Variants in COL4A4 observed in about 807,000 individuals in gnomAD.
COL4A4 encodes collagen alpha-4(IV) chain.
COL4A4 carries 105 observed loss-of-function variants against 192.9 expected under a neutral mutation model. The observed-to-expected ratio is 0.54, with a 90% CI of 0.46 to 0.64. COL4A4 has a LOEUF of 0.64. Among genes scored for constraint, COL4A4 ranks in the 30% least tolerant of loss-of-function variants. The pLI is 0.00. For missense variants in COL4A4, 1,967 were observed against 2,169.3 expected (o/e 0.91, Z 1.85); for synonymous variants, 762 against 769.9 (o/e 0.99, Z 0.17).
At chr2:227,038,613 G>C (rs1013844056) in intron 37 of COL4A4, among the ~76,000 whole-genome samples, 1 of 152,110 alleles carries the variant, frequency 6.6e-6, no homozygotes, top group African/African-American at 2.4e-5. Context: ...GAAAGTCAAT[G>C]GTAGCTGGAA....
intron 26 of COL4A4, among the ~76,000 whole-genome samples, chr2:227,060,799 C>G (rs1576221438): frequency 1.3e-5 from 2 of 150,762 alleles, no homozygotes; most frequent in South Asian, 4.2e-4. Context: ...GCAGTCTCGG[C>G]TCACTGCAAG....
intron 25 of COL4A4, among the ~76,000 whole-genome samples, chr2:227,067,832 T>C (rs1417383600): frequency 6.7e-6 from 1 of 149,002 alleles, no homozygotes; most frequent in Non-Finnish European, 1.5e-5. Context: ...GCAAACACAT[T>C]CAAAAGCTAG....
Position 227,030,541 on chromosome 2 carries a change from C to G in COL4A4, c.3875G>C (p.Gly1292Ala). The G allele has an allele frequency of 6.2e-7, 1 of 1,614,076 alleles. No individual in the cohort carries two copies. Among genetic ancestry groups the G allele is most frequent in the African/African-American group, 1.3e-5 (1 of 75,028 alleles). ...GSVDLLRGEPGDCGLPGPPGP... is the reference protein window; with the variant it reads ...GSVDLLRGEPADCGLPGPPGP... The stretch of plus-strand genomic sequence containing the variant: ...TGGTGGCCCTGGTAGACCACAGTCA[C>G]CTGGCTCCCCTCTCAGAAGGTCAAC... Residue 1292 changes from glycine to alanine, a missense_variant, in exon 41 of 48, where the codon GGT (glycine) becomes GCT (alanine). Transcript: ENST00000396625.
chr2:227,040,568 C>CTT (rs66552238), intron 37 of COL4A4, among the ~76,000 whole-genome samples: 4 of 141,022 alleles, frequency 2.8e-5, no homozygotes, highest in African/African-American at 2.6e-5. Flanking sequence ...AATACTTTTT[C>CTT]TTTTTTTTTT....
the COL4A4 span, among the ~76,000 whole-genome samples, chr2:226,985,041 CAT>C: frequency 4.6e-5 from 7 of 152,106 alleles, no homozygotes; most frequent in Non-Finnish European, 1.0e-4. Context: ...TTAGGCCTAA[CAT>C]AGATCATTTT....
intron 9 of COL4A4, chr2:227,109,560 A>G: frequency 1.7e-6 from 1 of 573,482 alleles, no homozygotes; most frequent in Non-Finnish European, 3.2e-6. Context: ...CATCCTGGCC[A>G]ACATGGTGAA....
In COL4A4 at chr2:227,073,790, T is replaced by C. The variant is rs554845841; in HGVS notation, c.1987+4104A>G. On this transcript the variant is annotated intron_variant, in intron 25 of 47. Coordinates refer to ENST00000396625, the MANE Select transcript of COL4A4 (RefSeq NM_000092.5). ...TAACAAAGCATACAAAAACAAAAAA[T>C]TGGGGGGTGGACACCCTATTTAATA... is the stretch of plus-strand genomic sequence containing the variant. 3.3e-5 allele frequency among the ~76,000 whole-genome samples: 5 copies of C among 151,984 alleles called. No individual in the cohort carries two copies. In the South Asian group the frequency reaches 1.0e-3, roughly 32 times the overall value.
chr2:227,041,910 G>GAA (rs781711266), intron 37 of COL4A4, among the ~76,000 whole-genome samples: 2 of 150,926 alleles, frequency 1.3e-5, no homozygotes, highest in African/African-American at 2.5e-5. Flanking sequence ...AAGAAAGAAA[G>GAA]AAAGAAAGAA....
rs1235172590 is a variant in COL4A4, at chr2:227,091,902, AAAAG to A, written c.1370-1949_1370-1946del. Among the ~76,000 whole-genome samples the A allele has an allele frequency of 9.5e-3, 1,018 of 106,636 alleles. 17 individuals are homozygous for A. The highest frequency in any genetic ancestry group is 0.023 in the African/African-American group (695 of 30,262). The allele number at this position is 106,636 out of a possible 152,430, so 70.0% of individuals were successfully genotyped here. ...GAGTAACACTCTGTCTCAGGAAGAA[AAAAG>A]AAAGAAAGAAAGAAAGAAAGAAAAG... is the stretch of plus-strand genomic sequence containing the variant. On this transcript the variant is annotated intron_variant, in intron 20 of 47. Transcript: ENST00000396625.
At chr2:227,065,971 CTT>C (rs975371683) in intron 25 of COL4A4, among the ~76,000 whole-genome samples, 2 of 152,146 alleles carry the variant, frequency 1.3e-5, no homozygotes, top group African/African-American at 4.8e-5. Flanking sequence ...AAGTTGAAAA[CTT>C]TGAAAAGAAT....
At chr2:227,041,898 G>GAA (rs1427747549) in intron 37 of COL4A4, among the ~76,000 whole-genome samples, 7 of 149,380 alleles carry the variant, frequency 4.7e-5, no homozygotes, top group South Asian at 4.2e-4. Context: ...AAGAAAGAAA[G>GAA]AAAGAAAGAA....
At chr2:227,087,034 G>A (rs954237522) in intron 22 of COL4A4, among the ~76,000 whole-genome samples, 2 of 152,146 alleles carry the variant, frequency 1.3e-5, no homozygotes, top group South Asian at 2.1e-4. Context: ...GTCCTTTGGG[G>A]CTTGATGGTC....
intron 11 of COL4A4, 31 bp from the exon 12 acceptor site, chr2:227,108,653 CT>C (rs1559644022): frequency 4.3e-6 from 7 of 1,612,786 alleles, no homozygotes; most frequent in Non-Finnish European, 5.9e-6. Context: ...AATCTAATTG[CT>C]TTTGAATTTT....
Position 227,098,790 on chromosome 2 carries a change from C to G in COL4A4, c.1108G>C (p.Gly370Arg). 6.2e-7 allele frequency: 1 copy of G among 1,613,716 alleles called. No homozygotes were observed. The highest frequency in any genetic ancestry group is 2.2e-5 in the East Asian group (1 of 44,874). ...TPPLPLKGPP[G>R]DPGFPGRYGE... ...TAGCGGCCAGGGAACCCTGGGTCCC[C>G]TGGTGGGCCTGCCAAAGATAATGGT... The change falls in exon 19 of 48, where the codon GGG (glycine) becomes CGG (arginine). Residue 370 changes from glycine (G) to arginine (R), a missense_variant. Gly to Arg is a moderately radical substitution (Grantham distance 125). Coordinates refer to ENST00000396625, the MANE Select transcript of COL4A4 (RefSeq NM_000092.5).
In COL4A4 at chr2:227,077,949, T is replaced by C. The variant is rs769613317; in HGVS notation, c.1932A>G (p.Pro644=). The C allele has an allele frequency of 1.9e-6, 3 of 1,613,766 alleles. No individual in the cohort carries two copies. Among genetic ancestry groups the C allele is most frequent in the Non-Finnish European group, 2.5e-6 (3 of 1,180,010 alleles). Residue 644 remains proline, a synonymous_variant, in exon 25 of 48, where the codon CCA becomes CCG. Coordinates refer to ENST00000396625, the MANE Select transcript of COL4A4 (RefSeq NM_000092.5). The stretch of plus-strand genomic sequence containing the variant: ...TCACACCTGGGTGGCCTGGAACTCC[T>C]GGGTGGCCTCGCTCTCCTGGTGGAC... ...FPGPPGERGH[P]GVPGHPGVRG... is the part of the protein sequence containing the mutation.
At chr2:227,155,843 C>G (rs1248969067) in intron 1 of COL4A4, among the ~76,000 whole-genome samples, 1 of 152,146 alleles carries the variant, frequency 6.6e-6, no homozygotes, top group African/African-American at 2.4e-5. Flanking sequence ...ATCTTGATGA[C>G]TCCCATCATA....
chr2:227,014,892 CTTTTT>C (rs1179125792), intron 44 of COL4A4, among the ~76,000 whole-genome samples: 3 of 106,590 alleles, frequency 2.8e-5, no homozygotes, highest in Non-Finnish European at 3.8e-5. Context: ...CCATGCCTGG[CTTTTT>C]TTTTTTTTTT....
At chr2:227,045,921 G>GTA (rs1380320752) in intron 35 of COL4A4, among the ~76,000 whole-genome samples, 12 of 61,686 alleles carry the variant, frequency 1.9e-4, no homozygotes, top group African/African-American at 9.5e-4. Context: ...GTATGTATAT[G>GTA]TATATGTATA....
chr2:227,156,998 T>C (rs1340831491), intron 1 of COL4A4, among the ~76,000 whole-genome samples: 1 of 152,184 alleles, frequency 6.6e-6, no homozygotes, highest in African/African-American at 2.4e-5. Flanking sequence ...ATTTAATATA[T>C]ACTAGGACAC....
Sources: gnomAD v4.1 joint callset for allele counts (sites outside exome capture counted in the v4.1 genomes callset) on GRCh38, gnomAD v4.1.1 for gene constraint, MANE v1.5 for transcripts, NCBI Gene and HGNC (gene_info 2026-07-23, HGNC 2026-07-21) for gene names.